Variants in PRDM10 observed in about 807,000 individuals in gnomAD.
PRDM10 encodes PR/SET domain 10.
In PRDM10, 65 loss-of-function variants were observed where a neutral mutation model predicts 133.1. That is an observed-to-expected ratio of 0.49 (90% CI 0.40 to 0.60). PRDM10 has a LOEUF of 0.60. PRDM10 is among the 20% of genes least tolerant of loss of function. The pLI is 0.00. For missense variants in PRDM10, 1,137 were observed against 1,507.1 expected (o/e 0.75, Z 4.07); for synonymous variants, 582 against 580.4 (o/e 1.00, Z -0.04).
At chr11:129,967,728 G>A (rs1280736311) in intron 1 of PRDM10, among the ~76,000 whole-genome samples, 1 of 152,112 alleles carries the variant, frequency 6.6e-6, no homozygotes, top group Non-Finnish European at 1.5e-5. Flanking sequence ...ACACTTGCAG[G>A]GTGAGAGTGA....
In PRDM10 at chr11:129,906,507, C is replaced by A. The variant is rs531322098; in HGVS notation, c.3164-766G>T. On this transcript the variant is annotated intron_variant, in intron 19 of 20. Coordinates refer to ENST00000360871, the MANE Select transcript of PRDM10 (RefSeq NM_199437.2). The stretch of plus-strand genomic sequence containing the variant: ...AAGACGTGCACACACAACCCTATCA[C>A]CTTGGATAGCATAAGAAATCAATTC... Among the ~76,000 whole-genome samples, 5 of 152,208 alleles carry A rather than the reference C, an allele frequency of 3.3e-5. No homozygotes were observed. The East Asian group carries it at 9.6e-4, about 29-fold the overall frequency.
chr11:129,996,649 AGGG>A (rs1252754749), intron 1 of PRDM10, among the ~76,000 whole-genome samples: 3 of 152,262 alleles, frequency 2.0e-5, no homozygotes, highest in African/African-American at 7.2e-5. Flanking sequence ...CTAGGAGAGG[AGGG>A]GAAGGAGAGC....
chr11:129,985,820 A>ATG (rs1938409691), intron 1 of PRDM10, among the ~76,000 whole-genome samples: 2 of 133,630 alleles, frequency 1.5e-5, no homozygotes, highest in African/African-American at 2.8e-5. Flanking sequence ...ATATATATAT[A>ATG]TATATATATA....
intron 6 of PRDM10, among the ~76,000 whole-genome samples, 184 bp downstream of exon 6, chr11:129,944,587 A>T (rs895098634): frequency 6.6e-6 from 1 of 151,022 alleles, no homozygotes; most frequent in Non-Finnish European, 1.5e-5. Flanking sequence ...TCCGTCTCAA[A>T]AAAAAAAAAA....
At chr11:129,962,562 A>T (rs766479978) in intron 1 of PRDM10, among the ~76,000 whole-genome samples, 1 of 152,248 alleles carries the variant, frequency 6.6e-6, no homozygotes, top group Non-Finnish European at 1.5e-5. Context: ...TGAATGTAAG[A>T]AGAAAGGAAC....
chr11:129,977,255 T>TATACAC (rs1483508240), intron 1 of PRDM10, among the ~76,000 whole-genome samples: 6 of 132,394 alleles, frequency 4.5e-5, no homozygotes, highest in African/African-American at 1.4e-4. Context: ...ATGACTAAAA[T>TATACAC]ACACACACAC....
At chr11:129,975,462 G>A (rs1937709208) in intron 1 of PRDM10, among the ~76,000 whole-genome samples, 1 of 151,956 alleles carries the variant, frequency 6.6e-6, no homozygotes, top group Non-Finnish European at 1.5e-5. Flanking sequence ...ATAGTTAAAC[G>A]GTAAATTTCA....
chr11:129,971,335 C>G (rs1260829040), intron 1 of PRDM10, among the ~76,000 whole-genome samples: 2 of 152,158 alleles, frequency 1.3e-5, no homozygotes, highest in Admixed American at 1.3e-4. Context: ...TGGTAGAGCC[C>G]AGTGGTCTGT....
At chr11:129,972,918 C>T (rs1222796172) in intron 1 of PRDM10, among the ~76,000 whole-genome samples, 2 of 152,180 alleles carry the variant, frequency 1.3e-5, no homozygotes, top group Non-Finnish European at 2.9e-5. Context: ...ACATAAAACT[C>T]GTCCTTCAAA....
At chr11:129,908,297 T>C (rs1374620866) in intron 19 of PRDM10, among the ~76,000 whole-genome samples, 1 of 152,056 alleles carries the variant, frequency 6.6e-6, no homozygotes, top group East Asian at 1.9e-4. Context: ...CATAGTGAGA[T>C]CTTAGCTCTA....
chr11:129,922,291 T>C (rs1426866024), intron 13 of PRDM10, among the ~76,000 whole-genome samples: 1 of 152,158 alleles, frequency 6.6e-6, no homozygotes, highest in Non-Finnish European at 1.5e-5. Context: ...ACTGGCTGGA[T>C]GGGATGGATG....
intron 7 of PRDM10, among the ~76,000 whole-genome samples, chr11:129,938,350 G>A (rs111419110): frequency 2.6e-5 from 4 of 152,244 alleles, no homozygotes; most frequent in African/African-American, 9.6e-5. Context: ...TGTCCAGAAT[G>A]GAATTCTCAA....
chr11:129,908,595 T>G (rs1477998217), intron 19 of PRDM10, among the ~76,000 whole-genome samples: 1 of 152,216 alleles, frequency 6.6e-6, no homozygotes, highest in Admixed American at 6.5e-5. Context: ...AGGTTGGGTG[T>G]AAGTTGGTAA....
intron 1 of PRDM10, among the ~76,000 whole-genome samples, chr11:129,984,568 C>A (rs1168394730): frequency 6.6e-6 from 1 of 152,128 alleles, no homozygotes; most frequent in African/African-American, 2.4e-5. Flanking sequence ...TGAGACGGCA[C>A]ATTCTAGAGT....
intron 15 of PRDM10, 140 bp from the exon 16 acceptor site, chr11:129,916,000 C>T (rs1165154069): frequency 6.9e-6 from 5 of 722,192 alleles, no homozygotes; most frequent in South Asian, 4.5e-5. Flanking sequence ...TGTATATTAA[C>T]AGATCTATTG....
At chr11:129,944,577 T>C (rs1308561472) in intron 6 of PRDM10, among the ~76,000 whole-genome samples, 194 bp downstream of exon 6, 1 of 136,684 alleles carries the variant, frequency 7.3e-6, no homozygotes, top group Admixed American at 7.5e-5. Context: ...AGAGCAAGAC[T>C]CCGTCTCAAA....
intron 6 of PRDM10, among the ~76,000 whole-genome samples, chr11:129,944,389 T>C (rs1951323525): frequency 6.6e-6 from 1 of 151,834 alleles, no homozygotes; most frequent in African/African-American, 2.4e-5. Context: ...GGTCAGGAGA[T>C]CGAGACCACG....
At chr11:129,942,383 A>G (rs1951239105) in intron 7 of PRDM10, 43 bp downstream of exon 7, 2 of 1,568,192 alleles carry the variant, frequency 1.3e-6, no homozygotes, top group Admixed American at 1.9e-5. Flanking sequence ...CTAAACAATC[A>G]CTCTTGCTAG....
chr11:129,946,268 AC>A (rs984179493), intron 5 of PRDM10, among the ~76,000 whole-genome samples: 5 of 152,082 alleles, frequency 3.3e-5, no homozygotes, highest in African/African-American at 1.2e-4. Flanking sequence ...AGAAAAAAAA[AC>A]AAAAACAAAC....
Sources: allele counts gnomAD v4.1 joint callset (sites outside exome capture counted in the v4.1 genomes callset), GRCh38; gene constraint gnomAD v4.1.1; transcripts MANE v1.5; gene names NCBI Gene and HGNC (gene_info 2026-07-23, HGNC 2026-07-21).